USP22: variants seen among roughly 807,000 people sequenced by gnomAD.
USP22 encodes ubiquitin carboxyl-terminal hydrolase 22.
USP22 carries 22 observed loss-of-function variants against 68.1 expected under a neutral mutation model. The ratio of observed to expected loss-of-function variants is 0.32; its 90% CI spans 0.23 to 0.46. The LOEUF is 0.46. Among genes scored for constraint, USP22 ranks in the 20% least tolerant of loss-of-function variants. USP22 has a pLI of 1.00. For synonymous variants in USP22, 279 were observed against 274.2 expected (o/e 1.02, Z -0.17); for missense variants, 433 against 695.8 (o/e 0.62, Z 4.25).
intron 6 of USP22, among the ~76,000 whole-genome samples, chr17:21,014,504 G>A (rs886491005): frequency 3.3e-5 from 5 of 152,152 alleles, no homozygotes; most frequent in Admixed American, 3.3e-4. Flanking sequence ...AAAGGATCAC[G>A]TAGTTTTTCA....
chr17:21,040,888 T>C (rs371361257), intron 1 of USP22, among the ~76,000 whole-genome samples: 478 of 27,608 alleles, frequency 0.017, 1 homozygote, highest in African/African-American at 0.065. Context: ...CAGGCCACCC[T>C]TTTTTTTTTT....
chr17:21,015,600 T>G, intron 6 of USP22, 152 bp downstream of exon 6: 1 of 1,166,366 alleles, frequency 8.6e-7, no homozygotes, highest in Non-Finnish European at 1.2e-6. Flanking sequence ...TATGGTGACT[T>G]CAGAAACAAA....
At chr17:21,031,953 T>C (rs1012125777) in intron 1 of USP22, among the ~76,000 whole-genome samples, 3 of 152,266 alleles carry the variant, frequency 2.0e-5, no homozygotes, top group Admixed American at 2.0e-4. Flanking sequence ...CAGCTGTCTC[T>C]GACATACTGA....
intron 5 of USP22, 79 bp from the exon 6 acceptor site, chr17:21,015,978 T>C (rs1914121276): frequency 2.0e-6 from 3 of 1,482,538 alleles, no homozygotes; most frequent in South Asian, 2.7e-5. Flanking sequence ...TCAAAACCTT[T>C]ATCAGATGCC....
chr17:21,004,490 G>A (rs957260583), intron 11 of USP22, 139 bp from the exon 12 acceptor site: 5 of 1,085,268 alleles, frequency 4.6e-6, no homozygotes, highest in South Asian at 3.1e-5. Flanking sequence ...TCAGGCTGAT[G>A]CACAGGAGGC....
At chr17:21,017,829 C>T (rs868300305) in intron 5 of USP22, 113 bp downstream of exon 5, 41 of 1,325,902 alleles carry the variant, frequency 3.1e-5, no homozygotes, top group Middle Eastern at 4.9e-4. Context: ...CATTAACTTA[C>T]TACAAAAGGT....
At chr17:21,031,816 C>T (rs140190244) in intron 1 of USP22, among the ~76,000 whole-genome samples, 2 of 152,246 alleles carry the variant, frequency 1.3e-5, no homozygotes, top group Admixed American at 6.5e-5. Flanking sequence ...CTCCCCTGCA[C>T]GGGTTTACCA....
At chr17:21,034,735 T>C (rs1449744937) in intron 1 of USP22, among the ~76,000 whole-genome samples, 1 of 152,156 alleles carries the variant, frequency 6.6e-6, no homozygotes, top group Non-Finnish European at 1.5e-5. Context: ...TGGCTTAATA[T>C]GGCCCCAAAG....
chr17:21,020,844 C>A (rs1431226054), intron 3 of USP22, among the ~76,000 whole-genome samples: 1 of 152,162 alleles, frequency 6.6e-6, no homozygotes, highest in African/African-American at 2.4e-5. Flanking sequence ...CTTGGCCCAG[C>A]TGCAGGCCCA....
intron 1 of USP22, among the ~76,000 whole-genome samples, chr17:21,032,630 T>C (rs565596938): frequency 6.6e-6 from 1 of 152,262 alleles, no homozygotes; most frequent in Admixed American, 6.5e-5. Context: ...TTCTATCTCC[T>C]TTCACAGCAC....
At chr17:21,040,376 AAGTCCCCCC>A (rs1972411361) in intron 1 of USP22, among the ~76,000 whole-genome samples, 1 of 152,178 alleles carries the variant, frequency 6.6e-6, no homozygotes, top group Non-Finnish European at 1.5e-5. Context: ...ACAGGTAAAT[AAGTCCCCCC>A]AGTCAGAGGA....
intron 2 of USP22, 35 bp from the exon 3 acceptor site, chr17:21,021,261 GAATT>G: frequency 6.7e-7 from 1 of 1,492,944 alleles, no homozygotes. Flanking sequence ...AAACCAAGTT[GAATT>G]AAAAACCACA....
At chr17:21,004,089 G>A in intron 12 of USP22, 113 bp downstream of exon 12, 1 of 1,419,654 alleles carries the variant, frequency 7.0e-7, no homozygotes, top group Admixed American at 2.2e-5. Context: ...TTCGGCAAAT[G>A]AAGGTCAACA....
intron 6 of USP22, among the ~76,000 whole-genome samples, chr17:21,013,224 C>T (rs1191365525): frequency 1.3e-5 from 2 of 152,206 alleles, no homozygotes; most frequent in African/African-American, 4.8e-5. Context: ...GCAGAATAAT[C>T]GATTCCCATT....
chr17:21,019,239 T>C, intron 3 of USP22, 54 bp from the exon 4 acceptor site: 1 of 1,556,784 alleles, frequency 6.4e-7, no homozygotes. Flanking sequence ...TCACATCAAG[T>C]GTGTTTACAC....
chr17:21,004,044 G>A (rs1267097247), intron 12 of USP22, among the ~76,000 whole-genome samples, 158 bp downstream of exon 12: 4 of 152,146 alleles, frequency 2.6e-5, no homozygotes, highest in South Asian at 2.1e-4. Context: ...AGCACCCATC[G>A]AGGCTGGCAT....
intron 7 of USP22, among the ~76,000 whole-genome samples, chr17:21,011,859 T>G (rs1182350252): frequency 4.6e-5 from 7 of 152,170 alleles, no homozygotes; most frequent in African/African-American, 9.7e-5. Flanking sequence ...TTATACAGGA[T>G]TTAAATCTTG....
At chr17:21,011,111 C>T (rs746063133) in intron 8 of USP22, 40 bp downstream of exon 8, 1 of 1,546,906 alleles carries the variant, frequency 6.5e-7, no homozygotes, top group East Asian at 2.3e-5. Flanking sequence ...GCCTTCTGGC[C>T]AGGAGACACG....
chr17:21,013,291 T>C (rs1403922969), intron 6 of USP22, among the ~76,000 whole-genome samples: 1 of 152,164 alleles, frequency 6.6e-6, no homozygotes, highest in African/African-American at 2.4e-5. Flanking sequence ...GAACATATGG[T>C]GGGCCAGGTA....
Sources: allele counts gnomAD v4.1 joint callset (sites outside exome capture counted in the v4.1 genomes callset), GRCh38; gene constraint gnomAD v4.1.1; transcripts MANE v1.5; gene names NCBI Gene and HGNC (gene_info 2026-07-23, HGNC 2026-07-21).